Variants in LAT2 observed in about 807,000 individuals in gnomAD.
LAT2 encodes linker for activation of T cells family member 2.
Under a neutral mutation model 43.4 loss-of-function variants are expected in LAT2, and 23 were observed. The ratio of observed to expected loss-of-function variants is 0.53; its 90% CI spans 0.38 to 0.75. The LOEUF is 0.75. Among genes scored for constraint, LAT2 ranks in the 30% least tolerant of loss-of-function variants. The pLI is 0.00. For synonymous variants in LAT2, 128 were observed against 123.2 expected (o/e 1.04, Z -0.26); for missense variants, 284 against 310.2 (o/e 0.92, Z 0.64).
rs1014472135 is a variant in LAT2, at chr7:74,223,946, G to A, written c.449-72G>A. ...GTAGAGCCTTGCCCCTACTATCCTCGGAGGCAGCTCTATTGGCTCCTGGTG... is the reference window on the plus strand; with the variant it reads ...GTAGAGCCTTGCCCCTACTATCCTCAGAGGCAGCTCTATTGGCTCCTGGTG... On this transcript the variant is annotated intron_variant, in intron 11 of 13. Coordinates refer to ENST00000460943, the MANE Select transcript of LAT2 (RefSeq NM_032464.3). 4.0e-5 allele frequency: 62 copies of A among 1,531,518 alleles called. No homozygotes were observed. Among genetic ancestry groups the A allele is most frequent in the African/African-American group, 3.0e-4 (22 of 72,934 alleles). The allele number at this position is 1,531,518 out of a possible 1,614,324, so 94.9% of individuals were successfully genotyped here. A position where few individuals can be genotyped will look rare whatever the true frequency, so the allele number is the denominator to read the frequency against.
intron 4 of LAT2, among the ~76,000 whole-genome samples, chr7:74,218,001 C>T (rs542345735): frequency 4.8e-4 from 73 of 152,296 alleles, no homozygotes; most frequent in Middle Eastern, 3.4e-3. Context: ...CAACCTCCCC[C>T]GATGCCCCCC....
intron 1 of LAT2, among the ~76,000 whole-genome samples, chr7:74,213,658 C>T (rs1373272942): frequency 2.0e-5 from 3 of 151,950 alleles, no homozygotes; most frequent in East Asian, 1.9e-4. Context: ...CTCCCGACCT[C>T]GTGATCTGCC....
chr7:74,227,369 G>A (rs1221224135), intron 13 of LAT2, among the ~76,000 whole-genome samples: 2 of 151,966 alleles, frequency 1.3e-5, no homozygotes, highest in African/African-American at 2.4e-5. Flanking sequence ...ACAGGCACAC[G>A]CCACAACACC....
Position 74,215,970 on chromosome 7 carries a change from G to A in LAT2, c.-6G>A. ...AGCATCACAAGAGGCAACACCAGGA[G>A]CCAACATGAGCTCGGGGACTGAACT... On this transcript the variant is annotated 5_prime_UTR_variant, in exon 3 of 14. Coordinates refer to ENST00000460943, the MANE Select transcript of LAT2 (RefSeq NM_032464.3). The A allele has an allele frequency of 6.2e-7, 1 of 1,614,022 alleles. No individual in the cohort carries two copies.
rs1204523335 is a variant in LAT2, at chr7:74,221,758, T to A, written c.388+66T>A. 7.2e-6 allele frequency: 10 copies of A among 1,391,982 alleles called. No individual in the cohort carries two copies. The African/African-American group carries it at 1.3e-4, about 18-fold the overall frequency. 86.2% of individuals were successfully genotyped at this position (1,391,982 alleles called of 1,614,324 possible). On this transcript the variant is annotated intron_variant, in intron 10 of 13. Transcript: ENST00000460943. ...GGGAGCTCAGGGCAGAAGCCATACC[T>A]CCAGGCAGGAGAGGAGGCTGGGCCT...
intron 13 of LAT2, among the ~76,000 whole-genome samples, chr7:74,226,891 G>T (rs940137937): frequency 2.6e-5 from 4 of 152,008 alleles, no homozygotes; most frequent in Non-Finnish European, 5.9e-5. Context: ...AGGGTGGAGT[G>T]AGCCCCACAG....
rs201280536 is a variant in LAT2 at position 74,224,710 on chromosome 7, G to A, written c.700G>A (p.Val234Met). The change falls in exon 13 of 14, where the codon GTG (valine) becomes ATG (methionine). Residue 234 changes from valine (V) to methionine (M), a missense_variant. Coordinates refer to ENST00000460943, the MANE Select transcript of LAT2 (RefSeq NM_032464.3). The stretch of plus-strand genomic sequence containing the variant: ...CGAGGAGGACGGGGAACCGGATTAC[G>A]TGAATGGGGAGGTGGCAGCCACAGA... ...PDEEDGEPDYVNGEVAATEA is the reference protein window; with the variant it reads ...PDEEDGEPDYMNGEVAATEA 127 of 1,605,232 alleles carry A rather than the reference G, an allele frequency of 7.9e-5. No individual in the cohort carries two copies. Among genetic ancestry groups the A allele is most frequent in the Non-Finnish European group, 9.7e-5 (114 of 1,176,258 alleles).
At chr7:74,217,752 G>A (rs1007572786) in intron 4 of LAT2, among the ~76,000 whole-genome samples, 1 of 152,238 alleles carries the variant, frequency 6.6e-6, no homozygotes, top group Non-Finnish European at 1.5e-5. Context: ...AGTGGCCACA[G>A]GTGTCCTTTG....
chr7:74,211,582 C>G (rs781550550), intron 1 of LAT2, among the ~76,000 whole-genome samples: 17 of 152,046 alleles, frequency 1.1e-4, no homozygotes, highest in Non-Finnish European at 2.4e-4. Flanking sequence ...CTCAGCCTCC[C>G]GAGTAGCTGA....
At chr7:74,215,824 C>G in intron 2 of LAT2, 123 bp from the exon 3 acceptor site, 1 of 706,304 alleles carries the variant, frequency 1.4e-6, no homozygotes, top group Non-Finnish European at 2.5e-6. Context: ...AGTGCAGGAG[C>G]GGGGAGGGGA....
chr7:74,214,287 T>TATATGAAAATATATATATAAATATAC, intron 1 of LAT2, among the ~76,000 whole-genome samples: 1 of 86,942 alleles, frequency 1.2e-5, no homozygotes, highest in Non-Finnish European at 2.0e-5. Context: ...TATAAATATA[T>TATATGAAAATATATATATAAATATAC]ATATGAAAAT....
At chr7:74,216,669 C>A (rs1254250140) in intron 3 of LAT2, among the ~76,000 whole-genome samples, 156 bp from the exon 4 acceptor site, 1 of 152,088 alleles carries the variant, frequency 6.6e-6, no homozygotes, top group African/African-American at 2.4e-5. Context: ...ACACCTGGTC[C>A]CAAATATTCT....
At chr7:74,213,451 G>A (rs1338342462) in intron 1 of LAT2, among the ~76,000 whole-genome samples, 1 of 128,284 alleles carries the variant, frequency 7.8e-6, no homozygotes, top group East Asian at 2.2e-4. Context: ...TTGAGATGGA[G>A]TCTCGCTCTG....
In LAT2 at chr7:74,220,160, T is replaced by C; in HGVS notation, c.228-57T>C. 6.4e-7 allele frequency: 1 copy of C among 1,567,672 alleles called. No homozygotes were observed. The highest frequency in any genetic ancestry group is 1.2e-5 in the South Asian group (1 of 85,576). On this transcript the variant is annotated intron_variant, in intron 6 of 13. Transcript: ENST00000460943. The surrounding 1 kb of genome is among the most constrained non-coding windows in gnomAD (Gnocchi z 4.5). ...ACAAGGGGTATGGGGGGATGTGTCC[T>C]GGGGGGCCTCTCCCCTACAGCCCCT...
chr7:74,219,009 CTTTTTTTTTTTTTTTTTTTTTTT>C (rs781806954), intron 4 of LAT2, among the ~76,000 whole-genome samples: 3 of 48,804 alleles, frequency 6.1e-5, no homozygotes, highest in Middle Eastern at 0.019. Context: ...AGAGTGTGTG[CTTTTTTTTTTTTTTTTTTTTTTT>C]TTTTTTTTTT....
At chr7:74,224,253 G>T in intron 12 of LAT2, 56 bp downstream of exon 12, 1 of 1,559,124 alleles carries the variant, frequency 6.4e-7, no homozygotes, top group Non-Finnish European at 8.7e-7. Flanking sequence ...TTGAGGGACT[G>T]GCCTGGAAGG....
rs1454211881 is a variant in LAT2, at chr7:74,221,364, G to A, written c.333-273G>A. Among the ~76,000 whole-genome samples the A allele has an allele frequency of 5.0e-5, 7 of 139,162 alleles. No homozygotes were observed. In the East Asian group the frequency reaches 1.1e-3, roughly 21 times the overall value. The allele number at this position is 139,162 out of a possible 152,430, so 91.3% of individuals were successfully genotyped here. On this transcript the variant is annotated intron_variant, in intron 9 of 13. Coordinates refer to ENST00000460943, the MANE Select transcript of LAT2 (RefSeq NM_032464.3). Reference sequence around the variant, plus strand: ...TGGGAGGCTGAGGTTGCAGTGAGCCGAGATCATGCCACTGTACTCCAGCCT... The same window carrying A: ...TGGGAGGCTGAGGTTGCAGTGAGCCAAGATCATGCCACTGTACTCCAGCCT...
intron 13 of LAT2, chr7:74,225,697 C>T (rs1802459235): frequency 6.6e-6 from 1 of 152,326 alleles, no homozygotes; most frequent in African/African-American, 2.4e-5. Flanking sequence ...GGGTCTACTG[C>T]TTGGGAAGCA....
intron 10 of LAT2, among the ~76,000 whole-genome samples, chr7:74,222,424 A>C (rs1802323649): frequency 6.6e-6 from 1 of 151,132 alleles, no homozygotes; most frequent in Non-Finnish European, 1.5e-5. Context: ...ATCCCCCCAA[A>C]AAAGGGCAAC....
Sources: allele counts gnomAD v4.1 joint callset (sites outside exome capture counted in the v4.1 genomes callset), GRCh38; gene constraint gnomAD v4.1.1; non-coding constraint Gnocchi (gnomAD v3.1); transcripts MANE v1.5; gene names NCBI Gene and HGNC (gene_info 2026-07-23, HGNC 2026-07-21).